FMO2: variants seen among roughly 807,000 people sequenced by gnomAD.
FMO2 encodes flavin-containing monooxygenase 2.
A neutral mutation model predicts 41.6 loss-of-function variants in FMO2; 33 were observed. The observed-to-expected ratio is 0.79, with a 90% confidence interval of 0.60 to 1.06. FMO2 has a LOEUF of 1.06. Ranked by LOEUF, FMO2 falls within the 50% of genes least tolerant of loss-of-function variation. The pLI, the probability that FMO2 is intolerant of heterozygous loss-of-function variation, is 0.00. For missense variants in FMO2, 619 were observed against 632.9 expected (o/e 0.98, Z 0.23); for synonymous variants, 214 against 219.6 (o/e 0.97, Z 0.23).
chr1:171,207,620 T>C (rs1221458615), intron 7 of FMO2, 98 bp from the exon 8 acceptor site: 2 of 857,810 alleles, frequency 2.3e-6, no homozygotes, highest in Non-Finnish European at 3.8e-6. Flanking sequence ...TGGTATGACA[T>C]GGTTCAATGT....
intron 6 of FMO2, among the ~76,000 whole-genome samples, chr1:171,204,590 C>T (rs951832495): frequency 6.6e-6 from 1 of 152,070 alleles, no homozygotes; most frequent in Admixed American, 6.6e-5. Flanking sequence ...AGGCTTCTTC[C>T]CTTAAAAAAA....
At chr1:171,189,212 A>AT (rs28369819) in intron 2 of FMO2, among the ~76,000 whole-genome samples, 1 of 151,450 alleles carries the variant, frequency 6.6e-6, no homozygotes, top group African/African-American at 2.4e-5. Flanking sequence ...TACCATGTAC[A>AT]TTTTTTTTCC....
At chr1:171,192,623 G>T (rs372005032) in intron 2 of FMO2, among the ~76,000 whole-genome samples, 1 of 151,752 alleles carries the variant, frequency 6.6e-6, no homozygotes, top group Non-Finnish European at 1.5e-5. Flanking sequence ...AAAATTAGCC[G>T]GGCGTGGTGG....
chr1:171,199,485 T>C lies in FMO2; in HGVS notation c.624T>C (p.Ala208=), dbSNP rs1007137348. ...CTGTTGAGCTGAGTAAGAATGCTGC[T>C]CAGGTGTGATGCTCTCTGCTTACCA... The part of the protein sequence containing the change: ...DIAVELSKNA[A]QVFISTRHGT... Residue 208 remains alanine, a synonymous_variant, in exon 5 of 9, where the codon GCT becomes GCC. Coordinates refer to ENST00000209929, the MANE Select transcript of FMO2 (RefSeq NM_001460.5). 1.1e-5 allele frequency: 17 copies of C among 1,607,632 alleles called. No individual in the cohort carries two copies. The highest frequency in any genetic ancestry group is 1.7e-4 in the Middle Eastern group (1 of 6,026).
At chr1:171,195,232 C>T (rs1276322214) in intron 3 of FMO2, among the ~76,000 whole-genome samples, 2 of 152,094 alleles carry the variant, frequency 1.3e-5, no homozygotes, top group Non-Finnish European at 2.9e-5. Flanking sequence ...GAGCTCAACT[C>T]GAGAAGCAGG....
chr1:171,198,747 A>G (rs1487842386), intron 4 of FMO2, among the ~76,000 whole-genome samples: 3 of 152,032 alleles, frequency 2.0e-5, no homozygotes, highest in African/African-American at 7.2e-5. Context: ...GTCATTATAT[A>G]GTCCAAAATA....
At chr1:171,207,659 T>C (rs1423234308) in intron 7 of FMO2, 59 bp from the exon 8 acceptor site, 39 of 1,126,314 alleles carry the variant, frequency 3.5e-5, no homozygotes, top group Non-Finnish European at 4.9e-5. Flanking sequence ...AATCAACAAC[T>C]AGACAAAGTA....
At chr1:171,197,300 C>A (rs1373188732) in intron 4 of FMO2, among the ~76,000 whole-genome samples, 1 of 152,144 alleles carries the variant, frequency 6.6e-6, no homozygotes, top group Non-Finnish European at 1.5e-5. Flanking sequence ...ACTTCTTTCC[C>A]AAGGCCCTTA....
At chr1:171,200,210 T>G (rs1457458819) in intron 5 of FMO2, among the ~76,000 whole-genome samples, 2 of 152,198 alleles carry the variant, frequency 1.3e-5, no homozygotes, top group Non-Finnish European at 2.9e-5. Context: ...ATTTAGGTGC[T>G]TCCTGAGGCC....
In FMO2 at chr1:171,211,628, T is replaced by G. The variant is rs1314647970; in HGVS notation, c.*2483T>G. ...TTCTGGTATCTTTGAAAAATGTAAA[T>G]AGTTTATTTATAGAGAACCCTACCT... On this transcript the variant is annotated 3_prime_UTR_variant, in exon 9 of 9. Transcript: ENST00000209929. 6.6e-6 allele frequency among the ~76,000 whole-genome samples: 1 copy of G among 152,174 alleles called. No individual in the cohort carries two copies. The highest frequency in any genetic ancestry group is 2.4e-5 in the African/African-American group (1 of 41,454).
chr1:171,185,410 T>C (rs565457647), intron 1 of FMO2, 51 bp downstream of exon 1: 8 of 203,418 alleles, frequency 3.9e-5, no homozygotes, highest in Admixed American at 2.2e-4. Flanking sequence ...CTCAGAACTC[T>C]AGCTGGAAAT....
Position 171,205,447 on chromosome 1 carries a change from T to G in FMO2, c.996T>G (p.Ser332Arg), listed in dbSNP as rs762494107. 1.9e-6 allele frequency: 3 copies of G among 1,613,912 alleles called. No individual in the cohort carries two copies. The South Asian group carries it at 3.3e-5, about 18-fold the overall frequency. ...IDVIIFATGYSFSFPFLEDSL... is the reference protein window; with the variant it reads ...IDVIIFATGYRFSFPFLEDSL... Reference sequence around the variant, plus strand: ...TCATCATTTTTGCAACAGGATATAGTTTCTCTTTTCCCTTCCTTGAAGATT... The same window carrying G: ...TCATCATTTTTGCAACAGGATATAGGTTCTCTTTTCCCTTCCTTGAAGATT... The change falls in exon 7 of 9, where the codon AGT becomes AGG. Residue 332 changes from serine to arginine, a missense_variant. Transcript: ENST00000209929.
intron 6 of FMO2, among the ~76,000 whole-genome samples, chr1:171,204,315 C>T (rs993616939): frequency 6.6e-6 from 1 of 152,098 alleles, no homozygotes; most frequent in Admixed American, 6.6e-5. Context: ...CTTTCTAATA[C>T]CCAGAGTTAT....
chr1:171,188,900 CG>C (rs1657963807), intron 2 of FMO2: 1 of 152,152 alleles, frequency 6.6e-6, no homozygotes, highest in South Asian at 2.1e-4. Flanking sequence ...ATATATTTTT[CG>C]TTCTGTTTCC....
chr1:171,206,480 G>C (rs1658762842), intron 7 of FMO2, among the ~76,000 whole-genome samples: 1 of 152,138 alleles, frequency 6.6e-6, no homozygotes, highest in African/African-American at 2.4e-5. Flanking sequence ...CATTACTCTT[G>C]GAGAAGAAGG....
chr1:171,193,558 T>G (rs1245970088), intron 3 of FMO2, 35 bp downstream of exon 3: 1 of 1,315,206 alleles, frequency 7.6e-7, no homozygotes, highest in Middle Eastern at 1.9e-4. Flanking sequence ...TTTCTCTGCA[T>G]TAGTTCAGCT....
chr1:171,192,075 T>C (rs1658106842), intron 2 of FMO2, among the ~76,000 whole-genome samples: 1 of 151,972 alleles, frequency 6.6e-6, no homozygotes, highest in Non-Finnish European at 1.5e-5. Context: ...AAAAATAGTA[T>C]TTTTTTCTTC....
In FMO2 at chr1:171,209,038, A is replaced by ACT. The variant is rs1222182127; in HGVS notation, c.1503_1504dup (p.Arg502LeufsTer4). The ACT allele has an allele frequency of 1.0e-4, 133 of 1,279,512 alleles. No individual in the cohort carries two copies. The Admixed American group carries it at 1.3e-3, about 12-fold the overall frequency. The allele number at this position is 1,279,512 out of a possible 1,614,324, so 79.3% of individuals were successfully genotyped here. ...ACAAAGAATACTGAAGCCACTCAAG[A>ACT]CTCGGGCCCTGAAGGATTCATCTAA... On this transcript the variant is annotated frameshift_variant, in exon 9 of 9. Coordinates refer to ENST00000209929, the MANE Select transcript of FMO2 (RefSeq NM_001460.5). LOFTEE classifies it low-confidence loss of function (END_TRUNC).
At chr1:171,187,115 A>G (rs955558384) in intron 2 of FMO2, among the ~76,000 whole-genome samples, 3 of 152,248 alleles carry the variant, frequency 2.0e-5, no homozygotes, top group African/African-American at 7.2e-5. Flanking sequence ...CCTTCAAACC[A>G]CGGCCTACGT....
Sources: allele counts gnomAD v4.1 joint callset (sites outside exome capture counted in the v4.1 genomes callset), GRCh38; gene constraint gnomAD v4.1.1; transcripts MANE v1.5; gene names NCBI Gene and HGNC (gene_info 2026-07-23, HGNC 2026-07-21).